Variants in SNX30 observed in about 807,000 individuals in gnomAD.
SNX30 encodes the protein sorting nexin family member 30.
A neutral mutation model predicts 46.4 loss-of-function variants in SNX30; 24 were observed. The ratio of observed to expected loss-of-function variants is 0.52; its 90% CI spans 0.37 to 0.73. SNX30 has a LOEUF of 0.73. Ranked by LOEUF, SNX30 falls within the 30% of genes least tolerant of loss-of-function variation. The pLI is 0.00. For synonymous variants in SNX30, 189 were observed against 211.5 expected (o/e 0.89, Z 0.92); for missense variants, 533 against 555.7 (o/e 0.96, Z 0.41).
chr9:112,822,479 A>G (rs1367302759), intron 3 of SNX30, among the ~76,000 whole-genome samples: 1 of 151,554 alleles, frequency 6.6e-6, no homozygotes, highest in Non-Finnish European at 1.5e-5. Context: ...CACCACAATC[A>G]AGGTAATAAA....
upstream of SNX30, among the ~76,000 whole-genome samples, chr9:112,750,682 G>A (rs1477273192): frequency 6.6e-6 from 1 of 151,192 alleles, no homozygotes; most frequent in African/African-American, 2.4e-5. Flanking sequence ...CGCCCTCCCC[G>A]CCCCCTCCCG....
chr9:112,767,965 C>T (rs1438851355), intron 1 of SNX30, among the ~76,000 whole-genome samples: 1 of 152,196 alleles, frequency 6.6e-6, no homozygotes, highest in Non-Finnish European at 1.5e-5. Context: ...GTATGATTAT[C>T]TAAATGGTTT....
chr9:112,826,637 AGG>A (rs1840583473), intron 3 of SNX30, among the ~76,000 whole-genome samples: 1 of 152,166 alleles, frequency 6.6e-6, no homozygotes, highest in African/African-American at 2.4e-5. Context: ...ACAGGGGCTA[AGG>A]AATGGAGGTG....
In SNX30 at chr9:112,750,938, G is replaced by C. The variant is rs999743624; in HGVS notation, c.-64G>C. 6.0e-5 allele frequency: 70 copies of C among 1,175,378 alleles called. No individual in the cohort carries two copies. The African/African-American group carries it at 1.0e-3, about 18-fold the overall frequency. The allele number at this position is 1,175,378 out of a possible 1,614,324, so 72.8% of individuals were successfully genotyped here. ...GAGCGGGGCTCGGCCCGGGGTGCTCGGGGAGCTCGCCGCGGCGGGCAGCAG... is the reference window on the plus strand; with the variant it reads ...GAGCGGGGCTCGGCCCGGGGTGCTCCGGGAGCTCGCCGCGGCGGGCAGCAG... On this transcript the variant is annotated 5_prime_UTR_variant, in exon 1 of 9. Coordinates refer to ENST00000374232, the MANE Select transcript of SNX30 (RefSeq NM_001012994.2).
intron 1 of SNX30, among the ~76,000 whole-genome samples, chr9:112,755,166 C>G (rs1268555537): frequency 6.6e-6 from 1 of 152,112 alleles, no homozygotes; most frequent in East Asian, 1.9e-4. Context: ...ACCATAAATG[C>G]CATGGAAGGA....
chr9:112,882,013 G>T (rs1841583315), downstream of SNX30, among the ~76,000 whole-genome samples: 1 of 152,172 alleles, frequency 6.6e-6, no homozygotes, highest in Non-Finnish European at 1.5e-5. Context: ...GGGGAGGGTG[G>T]TCAATGGCAG....
intron 2 of SNX30, among the ~76,000 whole-genome samples, chr9:112,814,685 A>G (rs944323596): frequency 3.3e-5 from 5 of 152,242 alleles, no homozygotes; most frequent in African/African-American, 1.2e-4. Context: ...TTTTTCATTT[A>G]TCAGTCCACC....
chr9:112,850,782 AAAG>A (rs1841011144), intron 6 of SNX30, 74 bp from the exon 7 acceptor site: 1 of 1,096,940 alleles, frequency 9.1e-7, no homozygotes, highest in African/African-American at 1.5e-5. Context: ...GCGTGGGGGA[AAAG>A]AAGCAATTGC....
chr9:112,761,519 C>G (rs1166513058), intron 1 of SNX30, among the ~76,000 whole-genome samples: 1 of 152,100 alleles, frequency 6.6e-6, no homozygotes. Context: ...GGGGAAAGAC[C>G]AGCCGTGAAA....
chr9:112,819,234 T>C (rs1840452616), intron 3 of SNX30, among the ~76,000 whole-genome samples: 1 of 151,664 alleles, frequency 6.6e-6, no homozygotes, highest in African/African-American at 2.4e-5. Context: ...AAAAGTCTTT[T>C]ATTCCAAGTT....
chr9:112,828,376 C>T (rs73552470), intron 3 of SNX30, among the ~76,000 whole-genome samples: 2,181 of 152,168 alleles, frequency 0.014, 64 homozygotes, highest in African/African-American at 0.048. Flanking sequence ...CGTATCGCCT[C>T]GGTGTGTAGT....
intron 8 of SNX30, among the ~76,000 whole-genome samples, chr9:112,867,790 A>AC (rs1258877348): frequency 7.5e-6 from 1 of 133,296 alleles, no homozygotes; most frequent in Non-Finnish European, 1.6e-5. Flanking sequence ...CCTTCTCAGA[A>AC]CCCCTCTCCA....
rs1841379460 is a variant in SNX30, at chr9:112,867,473, C to A, written c.1255-1311C>A. 2.0e-5 allele frequency among the ~76,000 whole-genome samples: 3 copies of A among 151,252 alleles called. No individual in the cohort carries two copies. The South Asian group carries it at 6.3e-4, about 32-fold the overall frequency. Reference sequence around the variant, plus strand: ...TCCTCCATCCTCAGAACTCCTCCCACCTCAGTATTCCTCCTCCCTCCTCAG... The same window carrying A: ...TCCTCCATCCTCAGAACTCCTCCCAACTCAGTATTCCTCCTCCCTCCTCAG... On this transcript the variant is annotated intron_variant, in intron 8 of 8. Coordinates refer to ENST00000374232, the MANE Select transcript of SNX30 (RefSeq NM_001012994.2).
In SNX30 at chr9:112,809,091, C is replaced by CT. The variant is rs34992498; in HGVS notation, c.348+4139dup. On this transcript the variant is annotated intron_variant, in intron 2 of 8. Transcript: ENST00000374232. ...TTGCCCAAAAGACATGATTTTCTTT[C>CT]TTTTTTTTTTTTTTTGACAGAGTCT... Among the ~76,000 whole-genome samples, 466 of 144,438 alleles carry CT rather than the reference C, an allele frequency of 3.2e-3. 4 individuals are homozygous for CT. Among genetic ancestry groups the CT allele is most frequent in the African/African-American group, 8.5e-3 (335 of 39,334 alleles). The allele number at this position is 144,438 out of a possible 152,430, so 94.8% of individuals were successfully genotyped here.
chr9:112,770,665 A>G (rs1839634277), intron 1 of SNX30, among the ~76,000 whole-genome samples: 1 of 151,464 alleles, frequency 6.6e-6, no homozygotes, highest in Non-Finnish European at 1.5e-5. Flanking sequence ...TTGTTCATCT[A>G]TTTCATTCAG....
chr9:112,758,414 C>G (rs1192192346), intron 1 of SNX30, among the ~76,000 whole-genome samples: 1 of 152,206 alleles, frequency 6.6e-6, no homozygotes. Context: ...GCTGCAACCT[C>G]TGCCTCCTGG....
chr9:112,812,652 C>T (rs1454613181), intron 2 of SNX30, among the ~76,000 whole-genome samples: 1 of 151,928 alleles, frequency 6.6e-6, no homozygotes, highest in East Asian at 1.9e-4. Context: ...CTTAAAGGAG[C>T]TTTTAAAAAA....
At chr9:112,796,049 T>C (rs1840103678) in intron 1 of SNX30, among the ~76,000 whole-genome samples, 1 of 152,046 alleles carries the variant, frequency 6.6e-6, no homozygotes, top group Non-Finnish European at 1.5e-5. Flanking sequence ...CCAGCAAAGA[T>C]AAGGGGCATG....
At chr9:112,860,429 G>T (rs1841208027) in intron 7 of SNX30, among the ~76,000 whole-genome samples, 1 of 152,134 alleles carries the variant, frequency 6.6e-6, no homozygotes, top group African/African-American at 2.4e-5. Context: ...GTGATCTGTG[G>T]ACCTGTCCTT....
Sources: gnomAD v4.1 joint callset for allele counts (sites outside exome capture counted in the v4.1 genomes callset) on GRCh38, gnomAD v4.1.1 for gene constraint, MANE v1.5 for transcripts, NCBI Gene and HGNC (gene_info 2026-07-23, HGNC 2026-07-21) for gene names.